INTS4: variants seen among roughly 807,000 people sequenced by gnomAD.
INTS4 encodes the protein integrator complex subunit 4, also known as MSTP093.
INTS4 carries 70 observed loss-of-function variants against 119.5 expected under a neutral mutation model. That is an observed-to-expected ratio of 0.59 (90% CI 0.48 to 0.71). The LOEUF (loss-of-function observed/expected upper bound fraction) is 0.71, where lower values mean the gene tolerates loss of function less well. Among genes scored for constraint, INTS4 ranks in the 30% least tolerant of loss-of-function variants. The pLI, the probability that INTS4 is intolerant of heterozygous loss-of-function variation, is 0.00. For missense variants in INTS4, 867 were observed against 1,173.2 expected (o/e 0.74, Z 3.81); for synonymous variants, 316 against 419.6 (o/e 0.75, Z 3.02).
At chr11:77,981,634 AG>A in intron 2 of INTS4, 58 bp from the exon 3 acceptor site, 1 of 786,170 alleles carries the variant, frequency 1.3e-6, no homozygotes. Context: ...ACCAACAAAC[AG>A]GAACATGGAA....
intron 15 of INTS4, among the ~76,000 whole-genome samples, chr11:77,910,121 C>A (rs1953055392): frequency 1.3e-5 from 2 of 152,176 alleles, no homozygotes; most frequent in African/African-American, 4.8e-5. Flanking sequence ...ATAAATCATG[C>A]TGCTATAAAG....
At chr11:77,896,027 G>A (rs1309376570) in intron 18 of INTS4, among the ~76,000 whole-genome samples, 1 of 152,160 alleles carries the variant, frequency 6.6e-6, no homozygotes, top group Non-Finnish European at 1.5e-5. Flanking sequence ...TGTTATAAAC[G>A]ACAATCAGGA....
chr11:77,959,921 A>G (rs1024267798), intron 6 of INTS4, among the ~76,000 whole-genome samples: 28 of 152,038 alleles, frequency 1.8e-4, no homozygotes, highest in African/African-American at 6.5e-4. Context: ...TACTACATGC[A>G]TGTGACTTTT....
intron 4 of INTS4, among the ~76,000 whole-genome samples, chr11:77,964,969 A>G (rs1203226397): frequency 5.3e-5 from 8 of 152,254 alleles, no homozygotes; most frequent in East Asian, 3.8e-4. Context: ...GTGATACTTT[A>G]ATACATGTAT....
intron 18 of INTS4, chr11:77,900,841 T>C (rs997030227): frequency 1.8e-6 from 1 of 556,742 alleles, no homozygotes; most frequent in African/African-American, 1.9e-5. Flanking sequence ...TTATTACGTA[T>C]CAAGTACCAT....
chr11:77,931,489 A>G (rs543793714), intron 10 of INTS4, among the ~76,000 whole-genome samples: 169 of 152,370 alleles, frequency 1.1e-3, no homozygotes, highest in South Asian at 4.6e-3. Flanking sequence ...AACATTTGTA[A>G]CACGAAGGAT....
chr11:77,903,498 T>C, intron 17 of INTS4, 42 bp downstream of exon 17: 2 of 1,607,970 alleles, frequency 1.2e-6, no homozygotes, highest in Non-Finnish European at 1.7e-6. Flanking sequence ...AGACAATTAC[T>C]GGACAGAGAC....
intron 8 of INTS4, among the ~76,000 whole-genome samples, chr11:77,949,965 C>G (rs1459207731): frequency 1.3e-5 from 2 of 152,156 alleles, no homozygotes; most frequent in Non-Finnish European, 2.9e-5. Context: ...TTAGAACCAA[C>G]CCAAAGGCCC....
intron 7 of INTS4, among the ~76,000 whole-genome samples, chr11:77,957,010 C>G (rs2136572009): frequency 6.6e-6 from 1 of 152,182 alleles, no homozygotes; most frequent in South Asian, 2.1e-4. Flanking sequence ...GCACTGCTCA[C>G]CACAGTGTCA....
intron 7 of INTS4, among the ~76,000 whole-genome samples, chr11:77,956,500 A>G (rs1440527514): frequency 6.6e-6 from 1 of 152,172 alleles, no homozygotes; most frequent in Non-Finnish European, 1.5e-5. Context: ...TGAGGTCAAG[A>G]GTTCGAGACC....
chr11:77,918,134 A>T (rs566518328), intron 15 of INTS4: 2 of 702,094 alleles, frequency 2.8e-6, no homozygotes, highest in African/African-American at 3.5e-5. Flanking sequence ...TGAAGACAGA[A>T]GAAAGAATGA....
At chr11:77,947,794 G>A (rs1231730875) in intron 8 of INTS4, among the ~76,000 whole-genome samples, 1 of 152,168 alleles carries the variant, frequency 6.6e-6, no homozygotes, top group Non-Finnish European at 1.5e-5. Context: ...GTCCTTTTAT[G>A]TAACCAAAGT....
At chr11:77,907,839 C>A in intron 15 of INTS4, 29 bp from the exon 16 acceptor site, 2 of 1,430,444 alleles carry the variant, frequency 1.4e-6, no homozygotes, top group Non-Finnish European at 2.0e-6. Flanking sequence ...CCAAGGCAAA[C>A]ACAGGATAAG....
At chr11:77,955,620 C>T (rs192340589) in intron 8 of INTS4, among the ~76,000 whole-genome samples, 20 of 152,084 alleles carry the variant, frequency 1.3e-4, no homozygotes, top group Admixed American at 5.9e-4. Context: ...CTCAGCCTCC[C>T]GAGTAGCTGG....
chr11:77,919,369 C>A (rs1309728896), intron 14 of INTS4, among the ~76,000 whole-genome samples: 1 of 152,002 alleles, frequency 6.6e-6, no homozygotes, highest in African/African-American at 2.4e-5. Context: ...TCACTGCAAC[C>A]TCCGCCTCCC....
At chr11:77,942,214 C>T (rs1953944096) in intron 8 of INTS4, among the ~76,000 whole-genome samples, 1 of 152,160 alleles carries the variant, frequency 6.6e-6, no homozygotes, top group African/African-American at 2.4e-5. Context: ...GAGATTACTG[C>T]AATATGGTAT....
chr11:77,974,189 T>C (rs981961897), intron 4 of INTS4, among the ~76,000 whole-genome samples: 1 of 151,670 alleles, frequency 6.6e-6, no homozygotes, highest in Non-Finnish European at 1.5e-5. Context: ...TCTAATAATT[T>C]GTCCACTTAA....
chr11:77,966,370 T>C (rs1462857020), intron 4 of INTS4, among the ~76,000 whole-genome samples: 9 of 152,364 alleles, frequency 5.9e-5, no homozygotes, highest in South Asian at 2.1e-4. Flanking sequence ...CAAAAAATCA[T>C]TGCCCAGATC....
chr11:77,915,888 T>G (rs941546351), intron 15 of INTS4, among the ~76,000 whole-genome samples: 5 of 152,360 alleles, frequency 3.3e-5, no homozygotes, highest in African/African-American at 1.2e-4. Context: ...GGAATAATGT[T>G]AAGTGGGAAG....
Sources: allele counts gnomAD v4.1 joint callset (sites outside exome capture counted in the v4.1 genomes callset), GRCh38; gene constraint gnomAD v4.1.1; transcripts MANE v1.5; gene names NCBI Gene and HGNC (gene_info 2026-07-23, HGNC 2026-07-21).